ALPK2: variants seen among roughly 807,000 people sequenced by gnomAD.
ALPK2 encodes the protein alpha kinase 2, also known as alpha-protein kinase 2.
ALPK2 carries 127 observed loss-of-function variants against 163.1 expected under a neutral mutation model. The observed-to-expected ratio is 0.78, with a 90% confidence interval of 0.67 to 0.90. The LOEUF (loss-of-function observed/expected upper bound fraction) is 0.90, where lower values mean the gene tolerates loss of function less well. Ranked by LOEUF, ALPK2 falls within the 40% of genes least tolerant of loss-of-function variation. The pLI is 0.00. For synonymous variants in ALPK2, 953 were observed against 959.1 expected, an observed-to-expected ratio of 0.99 and a Z score of 0.12; for missense variants, 2,360 against 2,589.6, an observed-to-expected ratio of 0.91 and a Z score of 1.92.
chr18:58,543,334 T>A (rs191035924), intron 4 of ALPK2: 2 of 984,934 alleles, frequency 2.0e-6, no homozygotes, highest in East Asian at 2.3e-4. Flanking sequence ...GAAAACGGAC[T>A]AAGTCACAGA....
At chr18:58,584,893 C>G (rs1328590021) in intron 3 of ALPK2, among the ~76,000 whole-genome samples, 1 of 152,126 alleles carries the variant, frequency 6.6e-6, no homozygotes, top group Non-Finnish European at 1.5e-5. Flanking sequence ...GGCAGAGAGA[C>G]CTGTGTGCCC....
rs998444312 is a variant in ALPK2 at position 58,491,279 on chromosome 18, C to T, written c.6296+6770G>A. On this transcript the variant is annotated intron_variant, in intron 12 of 12. Transcript: ENST00000361673. Reference sequence around the variant, plus strand: ...TTATAGTTTGACTTTGAAACAAAGACGGTAACAGCCCTTTCCCAAAACAAA... The same window carrying T: ...TTATAGTTTGACTTTGAAACAAAGATGGTAACAGCCCTTTCCCAAAACAAA... Among the ~76,000 whole-genome samples, 7 of 152,186 alleles carry T rather than the reference C, an allele frequency of 4.6e-5. No individual in the cohort carries two copies. The East Asian group carries it at 5.8e-4, about 13-fold the overall frequency.
In ALPK2 at chr18:58,537,022, C is replaced by T. The variant is rs746011557; in HGVS notation, c.3165G>A (p.Val1055=). The change falls in exon 5 of 13, where the codon GTG becomes GTA. Residue 1055 remains valine, a synonymous_variant. Transcript: ENST00000361673. The part of the protein sequence containing the change: ...HEKVSQFPSQ[V]QLDHILSGAT... ...CACCACTTAAAATATGATCCAACTGCACTTGGGAAGGAAATTGGGAAACCT... is the reference window on the plus strand; with the variant it reads ...CACCACTTAAAATATGATCCAACTGTACTTGGGAAGGAAATTGGGAAACCT... The T allele has an allele frequency of 4.3e-6, 7 of 1,613,942 alleles. No individual in the cohort carries two copies. The Admixed American group carries it at 1.2e-4, about 27-fold the overall frequency.
intron 10 of ALPK2, chr18:58,511,783 A>G (rs1400189777): frequency 1.3e-5 from 2 of 152,152 alleles, no homozygotes; most frequent in Non-Finnish European, 1.5e-5. Context: ...TGTGCCATTT[A>G]GGAGCATTTC....
At chr18:58,578,569 T>C (rs2051933954) in intron 4 of ALPK2, 2 of 378,210 alleles carry the variant, frequency 5.3e-6, no homozygotes, top group East Asian at 4.5e-5. Context: ...TATCAGTCTT[T>C]TGCTATAATT....
At chr18:58,588,345 C>T (rs1466803937) in intron 3 of ALPK2, among the ~76,000 whole-genome samples, 2 of 152,166 alleles carry the variant, frequency 1.3e-5, no homozygotes, top group Non-Finnish European at 2.9e-5. Flanking sequence ...CAGACTTACC[C>T]TTCATTACTT....
intron 4 of ALPK2, 33 bp downstream of exon 4, chr18:58,578,781 T>TA (rs1297900292): frequency 7.8e-7 from 1 of 1,288,878 alleles, no homozygotes; most frequent in Admixed American, 2.1e-5. Flanking sequence ...CGGTTCTTTT[T>TA]ATCTCGTAAT....
rs372444923 is a variant in ALPK2, at chr18:58,592,979, G to A, written c.228-12431C>T. Reference sequence around the variant, plus strand: ...CTCAGCCCTGGCTGAACGTTCAAGTGACTTGGAGCGCTTCGTAAAAATACC... The same window carrying A: ...CTCAGCCCTGGCTGAACGTTCAAGTAACTTGGAGCGCTTCGTAAAAATACC... On this transcript the variant is annotated intron_variant, in intron 3 of 12. Transcript: ENST00000361673. 1.6e-3 allele frequency among the ~76,000 whole-genome samples: 248 copies of A among 152,328 alleles called. 1 individual carries two copies. Among genetic ancestry groups the A allele is most frequent in the Middle Eastern group, 0.01 (3 of 294 alleles).
chr18:58,503,842 T>A, intron 11 of ALPK2, 89 bp downstream of exon 11: 1 of 1,268,598 alleles, frequency 7.9e-7, no homozygotes, highest in East Asian at 2.3e-5. Flanking sequence ...AGCAGGCCTA[T>A]CCTTCCTCTC....
intron 4 of ALPK2, among the ~76,000 whole-genome samples, chr18:58,539,664 A>C (rs573378499): frequency 9.2e-5 from 14 of 152,206 alleles, no homozygotes; most frequent in Non-Finnish European, 2.1e-4. Flanking sequence ...GATGGGGTTC[A>C]GGGGTGGGGA....
At chr18:58,573,322 ATATG>A (rs1450360937) in intron 4 of ALPK2, among the ~76,000 whole-genome samples, 2 of 146,146 alleles carry the variant, frequency 1.4e-5, no homozygotes, top group African/African-American at 5.0e-5. Flanking sequence ...ATGTGTGTAT[ATATG>A]TATATATGTG....
intron 1 of ALPK2, among the ~76,000 whole-genome samples, chr18:58,613,417 C>T (rs1020803460): frequency 2.0e-5 from 3 of 152,116 alleles, no homozygotes; most frequent in Admixed American, 1.3e-4. Flanking sequence ...GCACCTGGCC[C>T]GGCATGGTGG....
chr18:58,628,212 A>T (rs1374992311), intron 1 of ALPK2, among the ~76,000 whole-genome samples: 2 of 152,182 alleles, frequency 1.3e-5, no homozygotes, highest in African/African-American at 4.8e-5. Flanking sequence ...CATTTTGAAA[A>T]GCCTGATAGC....
intron 3 of ALPK2, among the ~76,000 whole-genome samples, chr18:58,603,381 C>G (rs1204503711): frequency 6.6e-6 from 1 of 152,218 alleles, no homozygotes; most frequent in Non-Finnish European, 1.5e-5. Flanking sequence ...GTGACTGTGC[C>G]GTTCTCCTGG....
chr18:58,516,817 A>C (rs1027655218), intron 9 of ALPK2, 91 bp downstream of exon 9: 82 of 1,415,946 alleles, frequency 5.8e-5, no homozygotes, highest in Non-Finnish European at 8.0e-5. Flanking sequence ...TTTTGAAGAT[A>C]TTCCCATCAA....
intron 12 of ALPK2, 66 bp from the exon 13 acceptor site, chr18:58,482,105 A>G: frequency 1.6e-6 from 2 of 1,270,408 alleles, no homozygotes; most frequent in East Asian, 2.3e-5. Flanking sequence ...TTTAAAAAGA[A>G]AAACTTGAAA....
At chr18:58,598,505 G>A (rs1414943675) in intron 3 of ALPK2, among the ~76,000 whole-genome samples, 1 of 152,172 alleles carries the variant, frequency 6.6e-6, no homozygotes, top group Non-Finnish European at 1.5e-5. Flanking sequence ...GAGGCCTTGG[G>A]GCTGTCATGA....
At chr18:58,547,126 A>G (rs1490212261) in intron 4 of ALPK2, among the ~76,000 whole-genome samples, 1 of 148,132 alleles carries the variant, frequency 6.8e-6, no homozygotes, top group Admixed American at 6.7e-5. Flanking sequence ...ACAGTAAAGT[A>G]AGAGTTAGAT....
intron 1 of ALPK2, among the ~76,000 whole-genome samples, chr18:58,617,719 G>GTATA (rs2052177657): frequency 6.6e-6 from 1 of 152,104 alleles, no homozygotes; most frequent in Non-Finnish European, 1.5e-5. Flanking sequence ...GGCATGAATG[G>GTATA]TATATATGTA....
Sources: gnomAD v4.1 joint callset for allele counts (sites outside exome capture counted in the v4.1 genomes callset) on GRCh38, gnomAD v4.1.1 for gene constraint, MANE v1.5 for transcripts, NCBI Gene and HGNC (gene_info 2026-07-23, HGNC 2026-07-21) for gene names.